The following ROBO2 variants were observed in gnomAD, a reference collection of about 807,000 sequenced individuals.
ROBO2 encodes roundabout guidance receptor 2.
In ROBO2, 53 loss-of-function variants were observed where a neutral mutation model predicts 160.8. The observed-to-expected ratio is 0.33, with a 90% CI of 0.26 to 0.41. ROBO2 has a LOEUF of 0.41. Among genes scored for constraint, ROBO2 ranks in the 10% least tolerant of loss-of-function variants. The pLI, the probability that ROBO2 is intolerant of heterozygous loss-of-function variation, is 1.00. For missense variants in ROBO2, 1,577 were observed against 1,722.4 expected (o/e 0.92, Z 1.49); for synonymous variants, 664 against 611.7 (o/e 1.09, Z -1.26).
chr3:76,194,352 A>AT (rs745940652), intron 2 of ROBO2, among the ~76,000 whole-genome samples: 74,857 of 101,622 alleles, frequency 0.74, 25,646 homozygotes, highest in Non-Finnish European at 0.8. Context: ...TATGGTGTGT[A>AT]AATATATATA....
At chr3:76,918,933 T>A (rs892697679) in intron 2 of ROBO2, among the ~76,000 whole-genome samples, 1 of 152,002 alleles carries the variant, frequency 6.6e-6, no homozygotes, top group African/African-American at 2.4e-5. Flanking sequence ...GTTGAGCTTT[T>A]TTTCATATGC....
chr3:77,582,014 C>A (rs1242708676), intron 16 of ROBO2, among the ~76,000 whole-genome samples: 2 of 152,210 alleles, frequency 1.3e-5, no homozygotes, highest in African/African-American at 4.8e-5. Flanking sequence ...TGGTGAGATT[C>A]CCTATCCTAA....
At chr3:76,396,730 C>G (rs1041713917) in intron 2 of ROBO2, among the ~76,000 whole-genome samples, 5 of 152,098 alleles carry the variant, frequency 3.3e-5, no homozygotes, top group African/African-American at 4.8e-5. Context: ...ACAATTGCTT[C>G]AAAGAGAATA....
intron 2 of ROBO2, among the ~76,000 whole-genome samples, chr3:76,105,676 A>G (rs2069894749): frequency 6.6e-6 from 1 of 152,110 alleles, no homozygotes; most frequent in African/African-American, 2.4e-5. Flanking sequence ...TGAACTGTAG[A>G]AATAGAGTAA....
intron 18 of ROBO2, among the ~76,000 whole-genome samples, chr3:77,595,588 T>C (rs2094284041): frequency 6.6e-6 from 1 of 152,176 alleles, no homozygotes; most frequent in Non-Finnish European, 1.5e-5. Context: ...GAATAGGCTA[T>C]AGATTGATAG....
chr3:76,125,665 C>G (rs1041969978), intron 2 of ROBO2, among the ~76,000 whole-genome samples: 1 of 151,920 alleles, frequency 6.6e-6, no homozygotes, highest in Non-Finnish European at 1.5e-5. Context: ...GAGGCAAACA[C>G]AGAAACATTT....
intron 2 of ROBO2, among the ~76,000 whole-genome samples, chr3:76,915,588 T>G (rs2076250929): frequency 6.7e-6 from 1 of 149,624 alleles, no homozygotes. Flanking sequence ...GAGGCTCACT[T>G]GAACCTAGGA....
intron 2 of ROBO2, among the ~76,000 whole-genome samples, chr3:76,453,816 T>C (rs1559972981): frequency 6.6e-6 from 1 of 152,168 alleles, no homozygotes; most frequent in Non-Finnish European, 1.5e-5. Flanking sequence ...ATTTAGTAGT[T>C]ACTATTTGGT....
At chr3:76,185,195 G>GATATATATATATAT (rs1219580267) in intron 2 of ROBO2, among the ~76,000 whole-genome samples, 1,090 of 44,288 alleles carry the variant, frequency 0.025, 57 homozygotes, top group African/African-American at 0.05. Flanking sequence ...AGTAAACACA[G>GATATATATATATAT]ATATATATAT....
intron 2 of ROBO2, among the ~76,000 whole-genome samples, chr3:76,501,221 T>G (rs866919814): frequency 7.9e-5 from 12 of 152,220 alleles, no homozygotes; most frequent in African/African-American, 2.2e-4. Flanking sequence ...CTTTCAAAGT[T>G]TGAAATAAAT....
intron 2 of ROBO2, among the ~76,000 whole-genome samples, chr3:76,677,187 A>G (rs1373684768): frequency 6.6e-6 from 1 of 152,040 alleles, no homozygotes; most frequent in African/African-American, 2.4e-5. Flanking sequence ...TACCCAGGGG[A>G]AATCTAGACC....
chr3:77,292,869 C>G (rs1236098393), intron 2 of ROBO2, among the ~76,000 whole-genome samples: 1 of 146,876 alleles, frequency 6.8e-6, no homozygotes, highest in Non-Finnish European at 1.5e-5. Context: ...TCACTAAAGA[C>G]ATAAAGTAAA....
chr3:76,181,191 T>C (rs747473272), intron 2 of ROBO2, among the ~76,000 whole-genome samples: 2 of 152,156 alleles, frequency 1.3e-5, no homozygotes, highest in African/African-American at 4.8e-5. Context: ...TGCCATTTGC[T>C]TGTTTGTTGC....
chr3:77,519,592 A>G (rs143120378), intron 5 of ROBO2, among the ~76,000 whole-genome samples: 116 of 151,340 alleles, frequency 7.7e-4, no homozygotes, highest in African/African-American at 2.7e-3. Context: ...TTCCACTTAT[A>G]AGTGAGAACA....
intron 2 of ROBO2, among the ~76,000 whole-genome samples, chr3:76,051,187 C>G (rs555873393): frequency 6.6e-6 from 1 of 152,140 alleles, no homozygotes; most frequent in Non-Finnish European, 1.5e-5. Context: ...AAAAAAACGA[C>G]AGTTTCAGTT....
chr3:76,521,384 TG>T (rs1367895563), intron 2 of ROBO2, among the ~76,000 whole-genome samples: 1 of 152,046 alleles, frequency 6.6e-6, no homozygotes, highest in Non-Finnish European at 1.5e-5. Flanking sequence ...GTGATTCCAG[TG>T]GAGGTCCTAG....
chr3:76,940,985 T>C lies in ROBO2; in HGVS notation c.110-157029T>C, dbSNP rs531769153. 2.6e-5 allele frequency among the ~76,000 whole-genome samples: 4 copies of C among 152,322 alleles called. No individual in the cohort carries two copies. The South Asian group carries it at 6.2e-4, about 24-fold the overall frequency. Reference sequence around the variant, plus strand: ...ATGTAACGTATTTAAATTGAAGCCTTGATATTCCTGCCAAATATTTTCCAC... The same window carrying C: ...ATGTAACGTATTTAAATTGAAGCCTCGATATTCCTGCCAAATATTTTCCAC... On this transcript the variant is annotated intron_variant, in intron 2 of 26. Transcript: ENST00000487694.
chr3:77,550,668 C>G, intron 7 of ROBO2, 150 bp from the exon 9 acceptor site: 3 of 790,208 alleles, frequency 3.8e-6, no homozygotes, highest in Non-Finnish European at 6.3e-6. Flanking sequence ...GTGAAACCCA[C>G]TGTGTGGCAT....
At chr3:76,764,514 A>G (rs1244892656) in intron 2 of ROBO2, among the ~76,000 whole-genome samples, 1 of 151,650 alleles carries the variant, frequency 6.6e-6, no homozygotes, top group Admixed American at 6.6e-5. Context: ...ATTTATACAA[A>G]CTCTTGACCA....
Sources: gnomAD v4.1 joint callset for allele counts (sites outside exome capture counted in the v4.1 genomes callset) on GRCh38, gnomAD v4.1.1 for gene constraint, MANE v1.5 for transcripts, NCBI Gene and HGNC (gene_info 2026-07-23, HGNC 2026-07-21) for gene names.